The following EXOC4 variants were observed in gnomAD, a reference collection of about 807,000 sequenced individuals.
EXOC4 encodes the protein SEC8-like 1.
In EXOC4, 71 loss-of-function variants were observed where a neutral mutation model predicts 107.2. That is an observed-to-expected ratio of 0.66 (90% CI 0.55 to 0.81). EXOC4 has a LOEUF of 0.81. Ranked by LOEUF, EXOC4 falls within the 30% of genes least tolerant of loss-of-function variation. EXOC4 has a pLI of 0.00. For synonymous variants in EXOC4, 456 were observed against 441.2 expected, an observed-to-expected ratio of 1.03 and a Z score of -0.42; for missense variants, 1,108 against 1,189.6, an observed-to-expected ratio of 0.93 and a Z score of 1.01.
rs111574250 is a variant in EXOC4, at chr7:133,603,521, A to G, written c.1418-26524A>G. Among the ~76,000 whole-genome samples, 725 of 152,308 alleles carry G rather than the reference A, an allele frequency of 4.8e-3. 6 individuals carry two copies. Among genetic ancestry groups the G allele is most frequent in the African/African-American group, 0.017 (693 of 41,556 alleles). ...TATATGGTATAGCCTGTCGCTCCTG[A>G]TATAGTTTATGATATGCCTGCTGCT... On this transcript the variant is annotated intron_variant, in intron 9 of 17. Transcript: ENST00000253861.
At chr7:133,585,753 G>T (rs1306070243) in intron 9 of EXOC4, among the ~76,000 whole-genome samples, 1 of 152,154 alleles carries the variant, frequency 6.6e-6, no homozygotes, top group African/African-American at 2.4e-5. Context: ...GAGTGCAGTG[G>T]TGCGATCTCA....
At chr7:134,061,840 C>T (rs979414875) in intron 17 of EXOC4, among the ~76,000 whole-genome samples, 2 of 152,152 alleles carry the variant, frequency 1.3e-5, no homozygotes, top group African/African-American at 4.8e-5. Flanking sequence ...TATGATGCTT[C>T]TTCCTGCAGC....
intron 7 of EXOC4, among the ~76,000 whole-genome samples, chr7:133,377,857 A>T (rs1000113382): frequency 6.6e-6 from 1 of 152,218 alleles, no homozygotes; most frequent in African/African-American, 2.4e-5. Flanking sequence ...AAATCAATGT[A>T]TGTCAATCTA....
intron 17 of EXOC4, among the ~76,000 whole-genome samples, chr7:134,052,296 A>G (rs1182583911): frequency 1.3e-5 from 2 of 152,206 alleles, no homozygotes; most frequent in Non-Finnish European, 2.9e-5. Context: ...GGATGTTTGA[A>G]GCAGACATGA....
At chr7:133,925,081 G>T (rs1800021810) in intron 13 of EXOC4, among the ~76,000 whole-genome samples, 1 of 152,174 alleles carries the variant, frequency 6.6e-6, no homozygotes, top group Non-Finnish European at 1.5e-5. Flanking sequence ...CATAGAATAT[G>T]GCATGAGCCA....
rs1352525812 is a variant in EXOC4, at chr7:133,917,655, CT to C, written c.1946del (p.Leu649Ter). 6.2e-7 allele frequency: 1 copy of C among 1,613,968 alleles called. No homozygotes were observed. The highest frequency in any genetic ancestry group is 8.5e-7 in the Non-Finnish European group (1 of 1,179,996). On this transcript the variant is annotated frameshift_variant, in exon 13 of 18. Coordinates refer to ENST00000253861, the MANE Select transcript of EXOC4 (RefSeq NM_021807.4). LOFTEE classifies it high-confidence loss of function. ...CAAAAGATGATGATATCAGCAGACTCTTGAAATCTCTACCAAACTGGATGAA... is the reference window on the plus strand; with the variant it reads ...CAAAAGATGATGATATCAGCAGACTCTGAAATCTCTACCAAACTGGATGAA... ...WAKDDDISRL[L>X]KSLPNWMNMA...
At chr7:133,777,307 G>A (rs901636488) in intron 10 of EXOC4, among the ~76,000 whole-genome samples, 1 of 150,884 alleles carries the variant, frequency 6.6e-6, no homozygotes, top group Non-Finnish European at 1.5e-5. Flanking sequence ...GAGAGAGAGA[G>A]AGAGAGAGAG....
chr7:133,886,694 T>A (rs1301852114), intron 11 of EXOC4, among the ~76,000 whole-genome samples: 1 of 152,224 alleles, frequency 6.6e-6, no homozygotes, highest in African/African-American at 2.4e-5. Flanking sequence ...AGGGTTTTGC[T>A]TATTATAAAG....
chr7:133,782,937 G>T (rs1796498106), intron 10 of EXOC4, among the ~76,000 whole-genome samples: 1 of 152,128 alleles, frequency 6.6e-6, no homozygotes, highest in Non-Finnish European at 1.5e-5. Context: ...GTGTCAGAGT[G>T]GGAAGACCCA....
chr7:133,928,266 G>A (rs941267526), intron 13 of EXOC4, among the ~76,000 whole-genome samples: 2 of 152,154 alleles, frequency 1.3e-5, no homozygotes, highest in African/African-American at 4.8e-5. Flanking sequence ...TGCCATTGTG[G>A]TGGTGGGCAG....
chr7:133,565,492 C>T (rs1171876711), intron 9 of EXOC4, among the ~76,000 whole-genome samples: 2 of 152,074 alleles, frequency 1.3e-5, no homozygotes, highest in African/African-American at 2.4e-5. Flanking sequence ...CTTGAGGACT[C>T]GTTAAAACAC....
At chr7:134,054,618 G>C (rs1795878423) in intron 17 of EXOC4, among the ~76,000 whole-genome samples, 2 of 152,168 alleles carry the variant, frequency 1.3e-5, no homozygotes, top group Non-Finnish European at 2.9e-5. Context: ...TTCACTAGAT[G>C]CTTCTTTTCT....
the EXOC4 span, among the ~76,000 whole-genome samples, chr7:134,090,226 G>C: frequency 1.8e-3 from 272 of 152,268 alleles, 1 homozygote; most frequent in African/African-American, 6.0e-3. Context: ...TCTAAGCCAG[G>C]AATTGGACCC....
chr7:133,668,634 A>G (rs1384689053), intron 10 of EXOC4, among the ~76,000 whole-genome samples: 7 of 152,206 alleles, frequency 4.6e-5, no homozygotes, highest in Non-Finnish European at 1.0e-4. Flanking sequence ...TTGACTTGAG[A>G]TTCTAGGAGC....
chr7:133,773,973 T>C (rs901059972), intron 10 of EXOC4, among the ~76,000 whole-genome samples: 1 of 152,108 alleles, frequency 6.6e-6, no homozygotes, highest in South Asian at 2.1e-4. Context: ...CTTTCTTACA[T>C]CTGGTTTCCT....
At chr7:133,857,054 G>A (rs573504138) in intron 11 of EXOC4, among the ~76,000 whole-genome samples, 96 of 140,326 alleles carry the variant, frequency 6.8e-4, no homozygotes, top group African/African-American at 2.4e-3. Flanking sequence ...CCGAGATCAC[G>A]CCACTGCACT....
At chr7:133,348,743 T>C (rs1325637168) in intron 5 of EXOC4, among the ~76,000 whole-genome samples, 2 of 152,204 alleles carry the variant, frequency 1.3e-5, no homozygotes, top group East Asian at 3.8e-4. Context: ...TACTTCTCTT[T>C]CCTGAAGTAT....
chr7:133,919,388 A>G (rs980481204), intron 13 of EXOC4, among the ~76,000 whole-genome samples: 1 of 152,202 alleles, frequency 6.6e-6, no homozygotes, highest in African/African-American at 2.4e-5. Flanking sequence ...TAATGACTAA[A>G]GTCTGTAGTT....
chr7:133,254,948 C>T (rs1794981018), intron 1 of EXOC4, among the ~76,000 whole-genome samples: 2 of 152,136 alleles, frequency 1.3e-5, no homozygotes, highest in South Asian at 2.1e-4. Flanking sequence ...GAAAGCCAAC[C>T]TAAAGCTTTT....
Sources: allele counts gnomAD v4.1 joint callset (sites outside exome capture counted in the v4.1 genomes callset), GRCh38; gene constraint gnomAD v4.1.1; transcripts MANE v1.5; gene names NCBI Gene and HGNC (gene_info 2026-07-23, HGNC 2026-07-21).